ZBTB16: variants seen among roughly 807,000 people sequenced by gnomAD.
ZBTB16 encodes the protein zinc finger and BTB domain containing 16.
ZBTB16 carries 8 observed loss-of-function variants against 56.8 expected under a neutral mutation model. The observed-to-expected ratio is 0.14, with a 90% CI of 0.08 to 0.25. The LOEUF is 0.25. ZBTB16 is among the 10% of genes least tolerant of loss of function. The pLI, the probability that ZBTB16 is intolerant of heterozygous loss-of-function variation, is 1.00. For missense variants in ZBTB16, 625 were observed against 903.0 expected (o/e 0.69, Z 3.95); for synonymous variants, 363 against 368.5 (o/e 0.98, Z 0.17).
intron 2 of ZBTB16, among the ~76,000 whole-genome samples, chr11:114,125,882 A>C (rs1003107436): frequency 6.6e-6 from 1 of 152,234 alleles, no homozygotes; most frequent in Admixed American, 6.5e-5. Context: ...ATGAAGAGGC[A>C]ACAGAGGGAA....
At chr11:114,199,230 C>T (rs1943676161) in intron 4 of ZBTB16, among the ~76,000 whole-genome samples, 1 of 150,014 alleles carries the variant, frequency 6.7e-6, no homozygotes, top group African/African-American at 2.5e-5. Flanking sequence ...GACATGGATG[C>T]CGCTGGGCCC....
intron 2 of ZBTB16, among the ~76,000 whole-genome samples, chr11:114,095,684 AG>A (rs1217066638): frequency 6.6e-6 from 1 of 152,218 alleles, no homozygotes; most frequent in Admixed American, 6.5e-5. Flanking sequence ...TCACCAAGGC[AG>A]GGTCTTTTTA....
chr11:114,084,946 G>A (rs1366701739), intron 2 of ZBTB16, among the ~76,000 whole-genome samples: 2 of 152,174 alleles, frequency 1.3e-5, no homozygotes, highest in African/African-American at 4.8e-5. Context: ...GGGGACCTGT[G>A]GCATGTTCAA....
chr11:114,237,759 C>A (rs1165914093), intron 4 of ZBTB16, among the ~76,000 whole-genome samples: 1 of 152,208 alleles, frequency 6.6e-6, no homozygotes, highest in Non-Finnish European at 1.5e-5. Flanking sequence ...CATCTAGTCT[C>A]TAGATTTTTA....
intron 3 of ZBTB16, among the ~76,000 whole-genome samples, chr11:114,169,764 G>A (rs1485194309): frequency 6.6e-6 from 1 of 152,192 alleles, no homozygotes; most frequent in Admixed American, 6.5e-5. Context: ...TTTAGAGTGG[G>A]GAGAAGCTCC....
chr11:114,181,591 A>C (rs757391960), intron 3 of ZBTB16, among the ~76,000 whole-genome samples: 31 of 152,228 alleles, frequency 2.0e-4, no homozygotes, highest in Admixed American at 3.9e-4. Context: ...TCAGGGAGGC[A>C]GACAGATAGG....
intron 4 of ZBTB16, among the ~76,000 whole-genome samples, chr11:114,233,402 T>C (rs1944499550): frequency 1.3e-5 from 2 of 152,090 alleles, no homozygotes; most frequent in Non-Finnish European, 2.9e-5. Context: ...GGTGTGGCAC[T>C]GCCAGGGAAT....
At chr11:114,096,639 G>A (rs1309100151) in intron 2 of ZBTB16, among the ~76,000 whole-genome samples, 2 of 152,044 alleles carry the variant, frequency 1.3e-5, no homozygotes, top group African/African-American at 4.8e-5. Flanking sequence ...TCCTGCAGCC[G>A]AGGAACCCTT....
intron 2 of ZBTB16, among the ~76,000 whole-genome samples, chr11:114,128,917 T>C (rs1454819588): frequency 1.3e-5 from 2 of 151,828 alleles, no homozygotes; most frequent in African/African-American, 4.8e-5. Flanking sequence ...CCAAATAGAG[T>C]TTGCAGGACC....
At chr11:114,157,769 C>T (rs1942459985) in intron 3 of ZBTB16, among the ~76,000 whole-genome samples, 1 of 152,184 alleles carries the variant, frequency 6.6e-6, no homozygotes, top group Non-Finnish European at 1.5e-5. Context: ...ACTTCCCATT[C>T]TTCCCTCTTC....
At chr11:114,233,034 C>CCT in intron 4 of ZBTB16, among the ~76,000 whole-genome samples, 1 of 146,582 alleles carries the variant, frequency 6.8e-6, no homozygotes, top group Non-Finnish European at 1.5e-5. Context: ...CCAACTCATC[C>CCT]CCGGCCCCAC....
intron 4 of ZBTB16, among the ~76,000 whole-genome samples, chr11:114,232,847 C>G (rs1050544400): frequency 6.6e-6 from 1 of 152,202 alleles, no homozygotes; most frequent in African/African-American, 2.4e-5. Context: ...TCGCCCCCAG[C>G]GGGTGCTGCT....
At chr11:114,162,701 A>G (rs181663199) in intron 3 of ZBTB16, among the ~76,000 whole-genome samples, 132 of 152,098 alleles carry the variant, frequency 8.7e-4, no homozygotes, top group African/African-American at 2.9e-3. Context: ...CTCCCTCCAC[A>G]TTCCTTATGT....
Position 114,256,457 on chromosome 11 carries a change from G to A in ZBTB16, c.*5902G>A, listed in dbSNP as rs1303309544. Among the ~76,000 whole-genome samples, 1 of 152,180 alleles carries A rather than the reference G, an allele frequency of 6.6e-6. No homozygotes were observed. The highest frequency in any genetic ancestry group is 1.5e-5 in the Non-Finnish European group (1 of 68,034). On this transcript the variant is annotated 3_prime_UTR_variant, in exon 7 of 7. Transcript: ENST00000335953. ...TTGCACGGCTGGTGAGCAGCAGTCA[G>A]AACTCCATCCACCTCTCCTGATACC...
Position 114,253,342 on chromosome 11 carries a change from T to C in ZBTB16, c.*2787T>C, listed in dbSNP as rs772677589. Among the ~76,000 whole-genome samples the C allele has an allele frequency of 6.6e-6, 1 of 152,218 alleles. No homozygotes were observed. The highest frequency in any genetic ancestry group is 2.4e-5 in the African/African-American group (1 of 41,446). On this transcript the variant is annotated 3_prime_UTR_variant, in exon 7 of 7. Transcript: ENST00000335953. ...CACAAATTGTAATATTTTTGTAGTA[T>C]CTGTTAGTTCCTTCGTCAGTTCTGC...
At chr11:114,182,960 A>G (rs898148810) in intron 3 of ZBTB16, among the ~76,000 whole-genome samples, 4 of 152,182 alleles carry the variant, frequency 2.6e-5, no homozygotes, top group Non-Finnish European at 4.4e-5. Context: ...CAGGGCTGCC[A>G]AATATTTCTG....
intron 3 of ZBTB16, among the ~76,000 whole-genome samples, chr11:114,167,501 A>G (rs551615576): frequency 2.3e-4 from 33 of 144,184 alleles, no homozygotes; most frequent in African/African-American, 8.0e-4. Flanking sequence ...TTCACCTTTG[A>G]TGTGGTAAAT....
intron 2 of ZBTB16, among the ~76,000 whole-genome samples, chr11:114,073,864 G>T: frequency 6.6e-6 from 1 of 152,104 alleles, no homozygotes; most frequent in East Asian, 1.9e-4. Context: ...ACATATACAC[G>T]CACATAAACC....
At chr11:114,161,022 C>CT (rs1942574643) in intron 3 of ZBTB16, among the ~76,000 whole-genome samples, 1 of 152,190 alleles carries the variant, frequency 6.6e-6, no homozygotes, top group Non-Finnish European at 1.5e-5. Flanking sequence ...CCTCTGCTAC[C>CT]TTACCCCTTT....
Sources: allele counts gnomAD v4.1 joint callset (sites outside exome capture counted in the v4.1 genomes callset), GRCh38; gene constraint gnomAD v4.1.1; transcripts MANE v1.5; gene names NCBI Gene and HGNC (gene_info 2026-07-23, HGNC 2026-07-21).